The following CHFR variants were observed in gnomAD, a reference collection of about 807,000 sequenced individuals.
CHFR encodes E3 ubiquitin-protein ligase CHFR.
CHFR carries 57 observed loss-of-function variants against 87.6 expected under a neutral mutation model. The observed-to-expected ratio is 0.65, with a 90% CI of 0.53 to 0.81. The LOEUF (loss-of-function observed/expected upper bound fraction) is 0.81, where lower values mean the gene tolerates loss of function less well. Ranked by LOEUF, CHFR falls within the 30% of genes least tolerant of loss-of-function variation. The pLI is 0.00. For missense variants in CHFR, 797 were observed against 865.8 expected, an observed-to-expected ratio of 0.92 and a Z score of 1.00; for synonymous variants, 381 against 359.2, an observed-to-expected ratio of 1.06 and a Z score of -0.69.
At position 132,833,120 on chromosome 12, in the gene CHFR, C is replaced by T. The variant is rs551447791; in HGVS notation, c.*8434G>A. ...GATACACCCATTTTGTCTGTCCATGCATCAGCTGATGGACCCACTGAGGTG... is the reference window on the plus strand; with the variant it reads ...GATACACCCATTTTGTCTGTCCATGTATCAGCTGATGGACCCACTGAGGTG... On this transcript the variant is annotated 3_prime_UTR_variant, in exon 18 of 18. Transcript: ENST00000450056. 6.6e-6 allele frequency: 1 copy of T among 152,360 alleles called. No individual in the cohort carries two copies. Among genetic ancestry groups the T allele is most frequent in the South Asian group, 2.1e-4 (1 of 4,824 alleles). The allele number at this position is 152,360 out of a possible 1,614,324, so 9.4% of individuals were successfully genotyped here. A position where few individuals can be genotyped will look rare whatever the true frequency, so the allele number is the denominator to read the frequency against.
intron 12 of CHFR, 44 bp downstream of exon 12, chr12:132,851,574 G>A: frequency 1.9e-6 from 3 of 1,562,598 alleles, no homozygotes; most frequent in South Asian, 2.3e-5. Context: ...GACCCCTGAA[G>A]GACAGATAGG....
intron 6 of CHFR, among the ~76,000 whole-genome samples, chr12:132,865,653 CTT>C (rs57560560): frequency 0.026 from 1,498 of 58,074 alleles, 20 homozygotes; most frequent in African/African-American, 0.094. Flanking sequence ...GATTACAGGT[CTT>C]TTTTTTTTTT....
At position 132,839,360 on chromosome 12, in the gene CHFR, G is replaced by A. The variant is rs1359038245; in HGVS notation, c.*2194C>T. 13 of 150,886 alleles carry A rather than the reference G, an allele frequency of 8.6e-5. No homozygotes were observed. The highest frequency in any genetic ancestry group is 5.7e-5 in the Non-Finnish European group (4 of 69,700). 9.3% of individuals were successfully genotyped at this position (150,886 alleles called of 1,614,324 possible). ...GAACTCCCCTCTCGGCCTCACCCCC[G>A]CACTAACTCAGGACCTCCCCTCTTG... On this transcript the variant is annotated 3_prime_UTR_variant, in exon 18 of 18. Transcript: ENST00000450056.
chr12:132,867,024 A>T (rs2137004371), intron 6 of CHFR: 1 of 152,320 alleles, frequency 6.6e-6, no homozygotes, highest in African/African-American at 2.4e-5. Context: ...ACAGAGCAAG[A>T]CTCTGTCTCA....
At chr12:132,875,187 C>T (rs976514002) in intron 3 of CHFR, among the ~76,000 whole-genome samples, 3 of 152,248 alleles carry the variant, frequency 2.0e-5, no homozygotes, top group Non-Finnish European at 4.4e-5. Flanking sequence ...TCAGTTCTTC[C>T]TATTAAAACC....
intron 15 of CHFR, among the ~76,000 whole-genome samples, chr12:132,845,016 G>A (rs1344077403): frequency 6.6e-6 from 1 of 152,162 alleles, no homozygotes; most frequent in African/African-American, 2.4e-5. Flanking sequence ...AGTATGTCTT[G>A]AAAACCAAAT....
chr12:132,867,140 C>T (rs1474113257), intron 6 of CHFR: 5 of 152,306 alleles, frequency 3.3e-5, no homozygotes, highest in Admixed American at 2.6e-4. Context: ...AGAACATCAA[C>T]GAACAGGAGA....
chr12:132,882,124 A>G (rs2137065911), intron 2 of CHFR, among the ~76,000 whole-genome samples: 1 of 152,326 alleles, frequency 6.6e-6, no homozygotes, highest in East Asian at 1.9e-4. Context: ...ATTTCTTACA[A>G]AAACAGGAAG....
intron 3 of CHFR, among the ~76,000 whole-genome samples, chr12:132,874,662 C>A (rs1249544918): frequency 7.2e-6 from 1 of 139,440 alleles, no homozygotes; most frequent in African/African-American, 2.7e-5. Context: ...CCGGAACAGG[C>A]GGGACTGCCC....
At chr12:132,878,258 C>A (rs1053806006) in intron 2 of CHFR, among the ~76,000 whole-genome samples, 1 of 152,226 alleles carries the variant, frequency 6.6e-6, no homozygotes, top group South Asian at 2.1e-4. Flanking sequence ...ATCACGAGGT[C>A]AGGAGTTCGA....
At chr12:132,869,951 G>A in intron 5 of CHFR, 153 bp from the exon 6 acceptor site, 2 of 845,832 alleles carry the variant, frequency 2.4e-6, no homozygotes, top group South Asian at 1.7e-5. Context: ...GTGCAGGCCT[G>A]TAATCCCAGC....
chr12:132,847,942 C>T (rs576014166), intron 14 of CHFR, 143 bp downstream of exon 14: 1 of 1,504,926 alleles, frequency 6.6e-7, no homozygotes, highest in Non-Finnish European at 8.9e-7. Context: ...CTGGCTGCAC[C>T]AGTGAGGAAA....
In CHFR at chr12:132,857,901, A is replaced by G. The variant is rs374104668; in HGVS notation, c.912-342T>C. On this transcript the variant is annotated intron_variant, in intron 8 of 17. Coordinates refer to ENST00000450056, the MANE Select transcript of CHFR (RefSeq NM_001161346.2). ...GCGGCTCCTACGTTCATTCTATGCG[A>G]AATACACCTTCCCAGATAAGGAGCA... Among the ~76,000 whole-genome samples, 22 of 152,346 alleles carry G rather than the reference A, an allele frequency of 1.4e-4. No individual in the cohort carries two copies. In the East Asian group the frequency reaches 3.9e-3, roughly 27 times the overall value.
At chr12:132,856,372 A>G in intron 10 of CHFR, 96 bp downstream of exon 10, 1 of 1,344,344 alleles carries the variant, frequency 7.4e-7, no homozygotes, top group Non-Finnish European at 1.0e-6. Flanking sequence ...ACTAGATCTC[A>G]GGACCCATGC....
rs921635691 is a variant in CHFR at position 132,857,530 on chromosome 12, G to A, written c.941C>T (p.Ala314Val). 11 of 1,614,020 alleles carry A rather than the reference G, an allele frequency of 6.8e-6. No individual in the cohort carries two copies. Among genetic ancestry groups the A allele is most frequent in the Admixed American group, 1.7e-5 (1 of 60,008 alleles). ...SLQPCMHTFC[A>V]ACYSGWMERS... Reference sequence around the variant, plus strand: ...CTCCATCCAGCCCGAGTAGCAAGCCGCGCAGAACGTGTGCATGCAGGGCTG... The same window carrying A: ...CTCCATCCAGCCCGAGTAGCAAGCCACGCAGAACGTGTGCATGCAGGGCTG... Residue 314 changes from alanine (A) to valine (V), a missense_variant, in exon 9 of 18, where the codon GCG (alanine) becomes GTG (valine). Physicochemically the swap from Ala to Val is moderately conservative, Grantham distance 64. This residue lies in a region of CHFR where 597 missense variants were observed against 601.2 expected (regional missense o/e 0.99). Transcript: ENST00000450056.
intron 3 of CHFR, among the ~76,000 whole-genome samples, chr12:132,872,856 C>T (rs531761855): frequency 3.2e-4 from 48 of 152,326 alleles, no homozygotes; most frequent in Middle Eastern, 6.8e-3. Flanking sequence ...GGACTAAATG[C>T]TGGGCCGTCA....
In CHFR at chr12:132,837,817, C is replaced by T. The variant is rs947487409; in HGVS notation, c.*3737G>A. On this transcript the variant is annotated 3_prime_UTR_variant, in exon 18 of 18. Transcript: ENST00000450056. ...CGCCCTCAGAAGGCGCAGGAGCTAG[C>T]GTGCATGCCAAAACGGAGCCCACGT... is the stretch of plus-strand genomic sequence containing the variant. 10 of 152,348 alleles carry T rather than the reference C, an allele frequency of 6.6e-5. No individual in the cohort carries two copies. The highest frequency in any genetic ancestry group is 1.3e-4 in the Admixed American group (2 of 15,290). The allele number at this position is 152,348 out of a possible 1,614,324, so 9.4% of individuals were successfully genotyped here.
At position 132,883,194 on chromosome 12, in the gene CHFR, G is replaced by A. The variant is rs1307786211; in HGVS notation, c.133+4002C>T. ...TGTAATCCCAGCACATTGGGAGGCC[G>A]AGGCGGGAGGATCACCTGAGGTCAG... On this transcript the variant is annotated intron_variant, in intron 2 of 17. Transcript: ENST00000450056. Among the ~76,000 whole-genome samples, 10 of 152,190 alleles carry A rather than the reference G, an allele frequency of 6.6e-5. 1 individual carries two copies. The highest frequency in any genetic ancestry group is 3.3e-4 in the Admixed American group (5 of 15,278).
chr12:132,857,539 G>T lies in CHFR; in HGVS notation c.932C>A (p.Thr311Lys). Reference sequence around the variant, plus strand: ...GCCCGAGTAGCAAGCCGCGCAGAACGTGTGCATGCAGGGCTGCAAACTGAA... The same window carrying T: ...GCCCGAGTAGCAAGCCGCGCAGAACTTGTGCATGCAGGGCTGCAAACTGAA... The part of the protein sequence containing the change: ...DCVSLQPCMH[T>K]FCAACYSGWM... Residue 311 changes from threonine to lysine, a missense_variant, in exon 9 of 18, where the codon ACG (threonine) becomes AAG (lysine). Thr to Lys is a moderately conservative substitution (Grantham distance 78). Transcript: ENST00000450056. 6.2e-7 allele frequency: 1 copy of T among 1,614,142 alleles called. No individual in the cohort carries two copies. Among genetic ancestry groups the T allele is most frequent in the Non-Finnish European group, 8.5e-7 (1 of 1,179,992 alleles).
Sources: gnomAD v4.1 joint callset for allele counts (sites outside exome capture counted in the v4.1 genomes callset) on GRCh38, gnomAD v4.1.1 for gene constraint, gnomAD v4.1.1 regional missense constraint, MANE v1.5 for transcripts, NCBI Gene and HGNC (gene_info 2026-07-23, HGNC 2026-07-21) for gene names.